Variants in ZNF678 observed in about 807,000 individuals in gnomAD.
The protein encoded by ZNF678 is hypothetical protein MGC42493.
A neutral mutation model predicts 3.0 loss-of-function variants in ZNF678; 5 were observed. The observed-to-expected ratio is 1.69, with a 90% CI of 0.88 to 3.56. The LOEUF (loss-of-function observed/expected upper bound fraction) is 3.56, where lower values mean the gene tolerates loss of function less well. ZNF678 is among the 30% of genes most tolerant of loss of function. The pLI is 0.00. For missense variants in ZNF678, 593 were observed against 605.0 expected, an observed-to-expected ratio of 0.98 and a Z score of 0.21; for synonymous variants, 218 against 199.6, an observed-to-expected ratio of 1.09 and a Z score of -0.78.
At chr1:227,601,236 A>G (rs1295371624) in intron 1 of ZNF678, among the ~76,000 whole-genome samples, 2 of 152,198 alleles carry the variant, frequency 1.3e-5, no homozygotes, top group Non-Finnish European at 2.9e-5. Flanking sequence ...TTTCATGGCT[A>G]TTCAGTCTTT....
chr1:227,637,284 G>T (rs1349274339), intron 1 of ZNF678, among the ~76,000 whole-genome samples: 2 of 152,166 alleles, frequency 1.3e-5, no homozygotes, highest in East Asian at 3.9e-4. Context: ...TGCTTTGGGG[G>T]GTTTCTATGA....
intron 1 of ZNF678, among the ~76,000 whole-genome samples, chr1:227,568,406 T>A (rs375325569): frequency 0.013 from 1,198 of 93,320 alleles, 19 homozygotes; most frequent in African/African-American, 0.038. Context: ...TGTAATAGGT[T>A]AAAAAAAAAG....
At chr1:227,582,433 C>T (rs552418045) in intron 1 of ZNF678, 1 of 155,298 alleles carries the variant, frequency 6.4e-6, no homozygotes, top group East Asian at 1.9e-4. Flanking sequence ...TCAATCCTTC[C>T]ATCTCAGCTT....
At chr1:227,592,903 T>A (rs1359637803) in intron 1 of ZNF678, among the ~76,000 whole-genome samples, 1 of 152,244 alleles carries the variant, frequency 6.6e-6, no homozygotes, top group African/African-American at 2.4e-5. Context: ...CCACCACACA[T>A]CCACTCGGGG....
At chr1:227,588,716 G>T (rs1039197062) in intron 1 of ZNF678, among the ~76,000 whole-genome samples, 2 of 151,918 alleles carry the variant, frequency 1.3e-5, no homozygotes, top group African/African-American at 2.4e-5. Context: ...TGTTGGCCAG[G>T]CTGGTCTTGA....
At chr1:227,674,280 A>C (rs144331428) in intron 5 of ZNF678, among the ~76,000 whole-genome samples, 1 of 152,206 alleles carries the variant, frequency 6.6e-6, no homozygotes, top group African/African-American at 2.4e-5. Context: ...TTTCCCAGCA[A>C]ACTTTCAAGT....
chr1:227,672,937 C>A (rs1244903737), intron 5 of ZNF678, among the ~76,000 whole-genome samples: 1 of 152,186 alleles, frequency 6.6e-6, no homozygotes, highest in African/African-American at 2.4e-5. Flanking sequence ...ACTGTTCCAT[C>A]AGCCTAGGTG....
chr1:227,604,166 C>A (rs1449814958), intron 1 of ZNF678, among the ~76,000 whole-genome samples: 1 of 152,194 alleles, frequency 6.6e-6, no homozygotes, highest in Non-Finnish European at 1.5e-5. Context: ...TGTGAACCAA[C>A]ATTTTCATCT....
At chr1:227,625,189 G>A (rs1571895619) in intron 1 of ZNF678, among the ~76,000 whole-genome samples, 1 of 152,132 alleles carries the variant, frequency 6.6e-6, no homozygotes, top group African/African-American at 2.4e-5. Context: ...TACAAGCCCC[G>A]TGTTTAAAGG....
At chr1:227,645,684 C>T (rs937309459) in intron 1 of ZNF678, among the ~76,000 whole-genome samples, 2 of 152,288 alleles carry the variant, frequency 1.3e-5, no homozygotes, top group African/African-American at 2.4e-5. Flanking sequence ...GATGGAGCTT[C>T]GCATGAAACT....
rs150357195 is a variant in ZNF678 at position 227,675,778 on chromosome 1, A to C, written c.227-1401A>C. On this transcript the variant is annotated intron_variant, in intron 5 of 5. Transcript: ENST00000608949. Reference sequence around the variant, plus strand: ...TGCTGGATAAAATGAAGTGAACAACAATCATCTAAACTTGTAAAAAAGTAA... The same window carrying C: ...TGCTGGATAAAATGAAGTGAACAACCATCATCTAAACTTGTAAAAAAGTAA... 1.9e-3 allele frequency among the ~76,000 whole-genome samples: 289 copies of C among 152,370 alleles called. 2 individuals are homozygous for C. The highest frequency in any genetic ancestry group is 6.7e-3 in the African/African-American group (280 of 41,582).
At position 227,655,404 on chromosome 1, in the gene ZNF678, C is replaced by A. The variant is rs574052316; in HGVS notation, c.1154C>A (p.Ala385Glu). Residue 385 changes from alanine to glutamate, a missense_variant, in exon 4 of 4, where the codon GCG (alanine) becomes GAG (glutamate). Transcript: ENST00000343776. ...TACAAATGCAAAGAATGTGGCAAAGCGTTTAACAAGTTCTCAAGCCTTACT... is the reference window on the plus strand; with the variant it reads ...TACAAATGCAAAGAATGTGGCAAAGAGTTTAACAAGTTCTCAAGCCTTACT... ...KPYKCKECGKAFNKFSSLTQH... is the reference protein window; with the variant it reads ...KPYKCKECGKEFNKFSSLTQH... 1.2e-6 allele frequency: 2 copies of A among 1,611,944 alleles called. No individual in the cohort carries two copies. The highest frequency in any genetic ancestry group is 2.7e-5 in the African/African-American group (2 of 74,662).
intron 1 of ZNF678, among the ~76,000 whole-genome samples, chr1:227,626,198 A>G (rs1254496380): frequency 1.3e-5 from 2 of 152,072 alleles, no homozygotes; most frequent in African/African-American, 4.8e-5. Context: ...GATTGTAGTT[A>G]CTTTCCTCAC....
At chr1:227,584,215 A>G (rs1001905256) in intron 1 of ZNF678, among the ~76,000 whole-genome samples, 4 of 152,214 alleles carry the variant, frequency 2.6e-5, no homozygotes, top group Non-Finnish European at 4.4e-5. Context: ...CACAAGGCCT[A>G]AAGCAGTCAA....
At position 227,646,616 on chromosome 1, in the gene ZNF678, C is replaced by T. The variant is rs775018947; in HGVS notation, c.-91C>T. On this transcript the variant is annotated 5_prime_UTR_variant, in exon 2 of 4. The change creates a premature stop within an existing upstream ORF in the 5' untranslated region. Transcript: ENST00000343776. ...GTGGGCATGCCTGGACCCTGCCCAGCGAAATTTGTATAGGGATGTGATGTT... is the reference window on the plus strand; with the variant it reads ...GTGGGCATGCCTGGACCCTGCCCAGTGAAATTTGTATAGGGATGTGATGTT... 103 of 1,372,240 alleles carry T rather than the reference C, an allele frequency of 7.5e-5. No individual in the cohort carries two copies. The highest frequency in any genetic ancestry group is 9.7e-5 in the Non-Finnish European group (99 of 1,024,728). 85.0% of individuals were successfully genotyped at this position (1,372,240 alleles called of 1,614,324 possible).
At chr1:227,668,615 C>T (rs548588157) in intron 5 of ZNF678, among the ~76,000 whole-genome samples, 78 of 152,296 alleles carry the variant, frequency 5.1e-4, no homozygotes, top group African/African-American at 1.7e-3. Context: ...CTGTGGCTTA[C>T]GTAAGCCACT....
chr1:227,664,616 A>C (rs1659471691), downstream of ZNF678, among the ~76,000 whole-genome samples: 1 of 152,108 alleles, frequency 6.6e-6, no homozygotes, highest in Non-Finnish European at 1.5e-5. Flanking sequence ...TTACTAAATC[A>C]AGAGCCTTGG....
At chr1:227,652,765 A>T (rs998376328) in intron 3 of ZNF678, among the ~76,000 whole-genome samples, 1 of 152,144 alleles carries the variant, frequency 6.6e-6, no homozygotes, top group African/African-American at 2.4e-5. Flanking sequence ...TGCATATTTC[A>T]AATTGTAGAG....
chr1:227,648,752 G>A (rs1218642412), intron 2 of ZNF678, among the ~76,000 whole-genome samples: 1 of 152,080 alleles, frequency 6.6e-6, no homozygotes, highest in Non-Finnish European at 1.5e-5. Context: ...TCTGGGAAGT[G>A]GAGGCTGCAG....
Sources: gnomAD v4.1 joint callset for allele counts (sites outside exome capture counted in the v4.1 genomes callset) on GRCh38, gnomAD v4.1.1 for gene constraint, MANE v1.5 for transcripts, NCBI Gene and HGNC (gene_info 2026-07-23, HGNC 2026-07-21) for gene names.